ARMC9: variants seen among roughly 807,000 people sequenced by gnomAD.
ARMC9 encodes lisH domain-containing protein ARMC9.
ARMC9 carries 94 observed loss-of-function variants against 107.0 expected under a neutral mutation model. That is an observed-to-expected ratio of 0.88 (90% CI 0.74 to 1.04). ARMC9 has a LOEUF of 1.04. Ranked by LOEUF, ARMC9 falls within the 50% of genes least tolerant of loss-of-function variation. ARMC9 has a pLI of 0.00. For missense variants in ARMC9, 942 were observed against 1,030.1 expected (o/e 0.91, Z 1.17); for synonymous variants, 380 against 396.9 (o/e 0.96, Z 0.51).
intron 10 of ARMC9, among the ~76,000 whole-genome samples, chr2:231,258,234 C>T (rs141654565): frequency 0.015 from 2,267 of 152,074 alleles, 27 homozygotes; most frequent in Non-Finnish European, 0.024. Context: ...TTGCCTAGAC[C>T]GGAGTGGTGC....
chr2:231,270,949 A>G (rs1249187248), intron 12 of ARMC9, 33 bp from the exon 13 acceptor site: 2 of 1,598,584 alleles, frequency 1.3e-6, no homozygotes, highest in Admixed American at 1.7e-5. Context: ...CCGTGTTCTT[A>G]ACCTTGTTTT....
chr2:231,299,778 T>C (rs112975133), intron 19 of ARMC9, among the ~76,000 whole-genome samples: 4 of 152,098 alleles, frequency 2.6e-5, no homozygotes, highest in African/African-American at 7.2e-5. Context: ...ATTGAAAATA[T>C]GGGTGTTTTC....
At chr2:231,326,992 AG>A (rs1488496208) in intron 19 of ARMC9, among the ~76,000 whole-genome samples, 1 of 152,144 alleles carries the variant, frequency 6.6e-6, no homozygotes, top group Non-Finnish European at 1.5e-5. Context: ...CTGCACCCTT[AG>A]ACCACTCCAG....
intron 19 of ARMC9, among the ~76,000 whole-genome samples, chr2:231,329,681 T>C (rs960764195): frequency 6.6e-6 from 1 of 152,220 alleles, no homozygotes; most frequent in African/African-American, 2.4e-5. Flanking sequence ...TTATGCCTAT[T>C]TCTCTTTTTT....
chr2:231,219,241 T>C (rs911284216), intron 5 of ARMC9, among the ~76,000 whole-genome samples: 6 of 151,898 alleles, frequency 4.0e-5, no homozygotes, highest in East Asian at 3.9e-4. Flanking sequence ...TTTTCCCTTA[T>C]AGCTACCAGT....
Position 231,250,521 on chromosome 2 carries a change from C to T in ARMC9, c.880-6065C>T, listed in dbSNP as rs546172864. The stretch of plus-strand genomic sequence containing the variant: ...ATGCTGCCACTCACACTGCAGAGAA[C>T]GCAGGGGATGCTGAGGAAAATCAGT... On this transcript the variant is annotated intron_variant, in intron 9 of 24. Transcript: ENST00000611582. Among the ~76,000 whole-genome samples the T allele has an allele frequency of 1.1e-3, 171 of 152,242 alleles. 1 individual carries two copies. The highest frequency in any genetic ancestry group is 3.9e-3 in the African/African-American group (160 of 41,522).
chr2:231,258,342 C>T lies in ARMC9; in HGVS notation c.915-649C>T, dbSNP rs148085440. On this transcript the variant is annotated intron_variant, in intron 10 of 24. Transcript: ENST00000611582. ...GACTACAGGCGCGTGTCACTATGCC[C>T]GGCTAATTTTGTGTTTTTAGTAGAG... Among the ~76,000 whole-genome samples, 515 of 152,102 alleles carry T rather than the reference C, an allele frequency of 3.4e-3. 2 individuals carry two copies. Among genetic ancestry groups the T allele is most frequent in the African/African-American group, 0.012 (478 of 41,458 alleles).
intron 19 of ARMC9, among the ~76,000 whole-genome samples, chr2:231,325,409 T>C (rs1212004476): frequency 6.6e-6 from 1 of 152,240 alleles, no homozygotes; most frequent in Non-Finnish European, 1.5e-5. Context: ...CCATTGACTA[T>C]GTGTTTCTCG....
intron 9 of ARMC9, chr2:231,256,156 G>C: frequency 6.5e-7 from 1 of 1,539,626 alleles, no homozygotes; most frequent in Non-Finnish European, 8.8e-7. Flanking sequence ...TCCTGGGCAG[G>C]ACCGGCTCTC....
rs748308534 is a variant in ARMC9, at chr2:231,278,366, G to T, written c.1475-16G>T. The T allele has an allele frequency of 1.9e-6, 3 of 1,613,510 alleles. No homozygotes were observed. In the African/African-American group the frequency reaches 4.0e-5, roughly 22 times the overall value. On this transcript the variant is annotated splice_polypyrimidine_tract_variant and intron_variant, in intron 15 of 24. Transcript: ENST00000611582. ...GTTTAGACATGTCATGTTTAGCTTTGATTTGTTTCCCATAGGGAAGAACAT... is the reference window on the plus strand; with the variant it reads ...GTTTAGACATGTCATGTTTAGCTTTTATTTGTTTCCCATAGGGAAGAACAT...
intron 9 of ARMC9, among the ~76,000 whole-genome samples, chr2:231,245,510 T>C (rs992459144): frequency 1.3e-5 from 2 of 152,162 alleles, no homozygotes; most frequent in African/African-American, 4.8e-5. Context: ...TACACAAATA[T>C]GTTAGCTAGA....
intron 17 of ARMC9, among the ~76,000 whole-genome samples, chr2:231,289,744 C>G (rs2040861148): frequency 6.6e-6 from 1 of 152,182 alleles, no homozygotes; most frequent in Non-Finnish European, 1.5e-5. Flanking sequence ...GGACAACTTT[C>G]CAGAGTTCTT....
At chr2:231,229,265 A>G (rs2034977766) in intron 7 of ARMC9, among the ~76,000 whole-genome samples, 1 of 152,178 alleles carries the variant, frequency 6.6e-6, no homozygotes, top group Non-Finnish European at 1.5e-5. Flanking sequence ...GGCTGTAATA[A>G]CCAAAGGCAC....
chr2:231,358,571 A>G lies in ARMC9; in HGVS notation c.2132-2183A>G, dbSNP rs1242964996. Among the ~76,000 whole-genome samples the G allele has an allele frequency of 6.6e-6, 1 of 152,048 alleles. No homozygotes were observed. Among genetic ancestry groups the G allele is most frequent in the African/African-American group, 2.4e-5 (1 of 41,392 alleles). Reference sequence around the variant, plus strand: ...GCGCTCCCCACAGGTCTCCTTGCACACAGCTCGCTGCTGAGTCTGGCCTGT... The same window carrying G: ...GCGCTCCCCACAGGTCTCCTTGCACGCAGCTCGCTGCTGAGTCTGGCCTGT... On this transcript the variant is annotated intron_variant, in intron 22 of 24. Transcript: ENST00000611582. This position sits in a 1 kb window ranked among gnomAD's most constrained non-coding sequence, Gnocchi z 4.5.
intron 3 of ARMC9, among the ~76,000 whole-genome samples, chr2:231,213,764 C>G (rs1234162354): frequency 6.6e-6 from 1 of 152,134 alleles, no homozygotes; most frequent in East Asian, 1.9e-4. Flanking sequence ...TGTGAGCCAT[C>G]TCACCCATAA....
chr2:231,215,050 CAG>C, intron 4 of ARMC9, 49 bp downstream of exon 4: 1 of 1,581,594 alleles, frequency 6.3e-7, no homozygotes, highest in Non-Finnish European at 8.7e-7. Context: ...TGTTAAGGAA[CAG>C]TGTTTGCTGT....
rs368400907 is a variant in ARMC9 at position 231,209,048 on chromosome 2, CGT to C, written c.177+798_177+799del. 5.3e-3 allele frequency among the ~76,000 whole-genome samples: 808 copies of C among 152,146 alleles called. 11 individuals carry two copies. Among genetic ancestry groups the C allele is most frequent in the African/African-American group, 0.019 (777 of 41,478 alleles). ...TCCCTAGTAGCTAGGATTACAGGCA[CGT>C]GCTACTGCGTCTGGCTAATTTTTGT... On this transcript the variant is annotated intron_variant, in intron 3 of 24. Transcript: ENST00000611582.
At chr2:231,227,727 A>G (rs994755400) in intron 7 of ARMC9, among the ~76,000 whole-genome samples, 2 of 152,034 alleles carry the variant, frequency 1.3e-5, no homozygotes, top group African/African-American at 4.8e-5. Flanking sequence ...CCTCAGGGAG[A>G]GCTTGGGTTT....
chr2:231,226,819 T>G (rs747161625), intron 7 of ARMC9, 21 bp downstream of exon 7: 1 of 1,610,786 alleles, frequency 6.2e-7, no homozygotes, highest in Non-Finnish European at 8.5e-7. Context: ...TAGATTTAAA[T>G]TTGTCTAAGA....
Sources: allele counts gnomAD v4.1 joint callset (sites outside exome capture counted in the v4.1 genomes callset), GRCh38; gene constraint gnomAD v4.1.1; non-coding constraint Gnocchi (gnomAD v3.1); transcripts MANE v1.5; gene names NCBI Gene and HGNC (gene_info 2026-07-23, HGNC 2026-07-21).